The following GLCCI1 variants were observed in gnomAD, a reference collection of about 807,000 sequenced individuals.
The protein encoded by GLCCI1 is glucocorticoid induced 1, also known as glucocorticoid-induced transcript 1 protein.
In GLCCI1, 24 loss-of-function variants were observed where a neutral mutation model predicts 52.2. The ratio of observed to expected loss-of-function variants is 0.46; its 90% confidence interval spans 0.33 to 0.65. The LOEUF is 0.65. Ranked by LOEUF, GLCCI1 falls within the 30% of genes least tolerant of loss-of-function variation. The pLI is 0.02. For missense variants in GLCCI1, 704 were observed against 701.5 expected, an observed-to-expected ratio of 1.00 and a Z score of -0.04; for synonymous variants, 310 against 276.5, an observed-to-expected ratio of 1.12 and a Z score of -1.20.
At position 8,053,005 on chromosome 7, in the gene GLCCI1, ATTATTTAT is replaced by A. The variant is rs60377934; in HGVS notation, c.697-2399_697-2392del. ...TTGAGGATAAGGGTTTTGGTTTTGT[ATTATTTAT>A]TTATTTATTTATTTATTTATTTATT... On this transcript the variant is annotated intron_variant, in intron 3 of 7. Coordinates refer to ENST00000223145, the MANE Select transcript of GLCCI1 (RefSeq NM_138426.4). Among the ~76,000 whole-genome samples the A allele has an allele frequency of 7.6e-3, 1,116 of 147,212 alleles. 17 individuals are homozygous for A. Among genetic ancestry groups the A allele is most frequent in the African/African-American group, 0.025 (1,001 of 40,234 alleles).
chr7:8,084,679 C>G, intron 6 of GLCCI1: 1 of 436,302 alleles, frequency 2.3e-6, no homozygotes, highest in Non-Finnish European at 4.1e-6. Flanking sequence ...ACCAAAATGT[C>G]CTTTTTATGT....
chr7:7,978,756 G>A (rs1040936927), intron 1 of GLCCI1, among the ~76,000 whole-genome samples: 1 of 152,126 alleles, frequency 6.6e-6, no homozygotes, highest in Non-Finnish European at 1.5e-5. Context: ...GAAGTGTAAT[G>A]CTGGTATCTT....
At chr7:7,996,294 T>C (rs1004138040) in intron 1 of GLCCI1, among the ~76,000 whole-genome samples, 3 of 152,192 alleles carry the variant, frequency 2.0e-5, no homozygotes, top group Admixed American at 2.0e-4. Flanking sequence ...CATTTGAAAT[T>C]TGTAAGGCTG....
At chr7:8,001,925 A>G (rs1781057361) in intron 1 of GLCCI1, among the ~76,000 whole-genome samples, 1 of 152,168 alleles carries the variant, frequency 6.6e-6, no homozygotes, top group Non-Finnish European at 1.5e-5. Flanking sequence ...GAAGGGGAAC[A>G]TCACACACCA....
At position 7,969,106 on chromosome 7, in the gene GLCCI1, C is replaced by G. The variant is rs1035157986; in HGVS notation, c.-245C>G. 4.5e-6 allele frequency: 1 copy of G among 224,618 alleles called. No individual in the cohort carries two copies. The allele number at this position is 224,618 out of a possible 1,614,324, so 13.9% of individuals were successfully genotyped here. ...GCGGCCCCGGCCGTGACCGCCACAC[C>G]GAGCCCAGCCGGGCGGTTGCGGCCG... On this transcript the variant is annotated 5_prime_UTR_variant, in exon 1 of 8. Transcript: ENST00000223145. This position sits in a 1 kb window ranked among gnomAD's most constrained non-coding sequence, Gnocchi z 4.9.
intron 3 of GLCCI1, among the ~76,000 whole-genome samples, chr7:8,050,526 A>G (rs1330303145): frequency 1.3e-5 from 2 of 152,192 alleles, no homozygotes; most frequent in African/African-American, 2.4e-5. Flanking sequence ...AGTTTGTCGT[A>G]TATTTCCCAT....
At chr7:8,079,610 A>G (rs926660243) in intron 6 of GLCCI1, among the ~76,000 whole-genome samples, 9 of 151,616 alleles carry the variant, frequency 5.9e-5, no homozygotes, top group African/African-American at 2.0e-4. Flanking sequence ...GTTGTTCTGC[A>G]TATCAAGATT....
In GLCCI1 at chr7:8,055,476, G is replaced by A. The variant is rs1782365754; in HGVS notation, c.740G>A (p.Ser247Asn). The change falls in exon 4 of 8, where the codon AGT (serine) becomes AAT (asparagine). Residue 247 changes from serine (S) to asparagine (N), a missense_variant. Coordinates refer to ENST00000223145, the MANE Select transcript of GLCCI1 (RefSeq NM_138426.4). ...LRQQLQRSKQSSRHSKEKDRQ... is the reference protein window; with the variant it reads ...LRQQLQRSKQNSRHSKEKDRQ... ...CAGCAACTACAACGCAGTAAACAGA[G>A]TAGTCGTCACAGTAAGGAGAAAGAT... 1 of 1,613,978 alleles carries A rather than the reference G, an allele frequency of 6.2e-7. No individual in the cohort carries two copies. The highest frequency in any genetic ancestry group is 8.5e-7 in the Non-Finnish European group (1 of 1,179,936).
chr7:8,074,118 G>A (rs987700561), intron 6 of GLCCI1, among the ~76,000 whole-genome samples: 7 of 152,292 alleles, frequency 4.6e-5, no homozygotes, highest in Admixed American at 6.5e-5. Context: ...AGCATTTATT[G>A]TATGTCAGAT....
intron 4 of GLCCI1, among the ~76,000 whole-genome samples, chr7:8,058,089 T>A (rs1258909073): frequency 6.6e-6 from 1 of 152,124 alleles, no homozygotes; most frequent in Non-Finnish European, 1.5e-5. Context: ...TTTTCCATAA[T>A]GAAAAGGGGA....
chr7:8,007,648 T>C (rs1781182765), intron 2 of GLCCI1, among the ~76,000 whole-genome samples: 2 of 152,190 alleles, frequency 1.3e-5, no homozygotes, highest in African/African-American at 4.8e-5. Flanking sequence ...ATTTATGTAG[T>C]GGAATTATGT....
intron 1 of GLCCI1, among the ~76,000 whole-genome samples, chr7:8,002,966 C>T (rs1781076592): frequency 6.6e-6 from 1 of 152,156 alleles, no homozygotes; most frequent in South Asian, 2.1e-4. Context: ...TTACCTCTGT[C>T]CCTTGTTTGC....
chr7:8,053,526 G>T lies in GLCCI1; in HGVS notation c.697-1907G>T, dbSNP rs553669416. The stretch of plus-strand genomic sequence containing the variant: ...TTTTTTTTTTTTTTAGCAGAGATGG[G>T]GTTTCGCCATGTTGGCCAGGCTGGT... On this transcript the variant is annotated intron_variant, in intron 3 of 7. Coordinates refer to ENST00000223145, the MANE Select transcript of GLCCI1 (RefSeq NM_138426.4). 3.6e-3 allele frequency among the ~76,000 whole-genome samples: 548 copies of T among 150,218 alleles called. 1 individual carries two copies. The highest frequency in any genetic ancestry group is 5.0e-3 in the Non-Finnish European group (341 of 67,540).
At chr7:8,007,082 G>A (rs900627034) in intron 2 of GLCCI1, among the ~76,000 whole-genome samples, 2 of 152,166 alleles carry the variant, frequency 1.3e-5, no homozygotes, top group Admixed American at 6.5e-5. Flanking sequence ...CCCATGGGGA[G>A]GGGCATGGCT....
At chr7:8,005,924 G>T (rs893257904) in intron 2 of GLCCI1, among the ~76,000 whole-genome samples, 1 of 152,008 alleles carries the variant, frequency 6.6e-6, no homozygotes, top group Admixed American at 6.6e-5. Flanking sequence ...TCAGCTTCCT[G>T]AGTAGCTGGG....
chr7:7,983,390 A>ATTAT (rs1379758601), intron 1 of GLCCI1, among the ~76,000 whole-genome samples: 1 of 152,154 alleles, frequency 6.6e-6, no homozygotes, highest in African/African-American at 2.4e-5. Context: ...TGAATCTTTG[A>ATTAT]TTATTTGACC....
rs186886404 is a variant in GLCCI1 at position 8,074,170 on chromosome 7, A to G, written c.1177+3039A>G. 5.3e-5 allele frequency among the ~76,000 whole-genome samples: 8 copies of G among 152,320 alleles called. No individual in the cohort carries two copies. In the East Asian group the frequency reaches 1.5e-3, roughly 29 times the overall value. Reference sequence around the variant, plus strand: ...GAGAAATAGAGATGAATAATATGTGATATCTGTCTTTAAGGAATTTATAGT... The same window carrying G: ...GAGAAATAGAGATGAATAATATGTGGTATCTGTCTTTAAGGAATTTATAGT... On this transcript the variant is annotated intron_variant, in intron 6 of 7. Coordinates refer to ENST00000223145, the MANE Select transcript of GLCCI1 (RefSeq NM_138426.4).
At chr7:8,080,940 G>A (rs959874443) in intron 6 of GLCCI1, among the ~76,000 whole-genome samples, 18 of 149,522 alleles carry the variant, frequency 1.2e-4, no homozygotes, top group Admixed American at 5.4e-4. Context: ...TCCCTAAAAT[G>A]TTGTGGTTAC....
chr7:8,005,483 G>A (rs1392846821), intron 2 of GLCCI1, among the ~76,000 whole-genome samples: 1 of 152,054 alleles, frequency 6.6e-6, no homozygotes, highest in Admixed American at 6.6e-5. Context: ...AAAGACCATT[G>A]CAACATTACA....
Sources: allele counts gnomAD v4.1 joint callset (sites outside exome capture counted in the v4.1 genomes callset), GRCh38; gene constraint gnomAD v4.1.1; non-coding constraint Gnocchi (gnomAD v3.1); transcripts MANE v1.5; gene names NCBI Gene and HGNC (gene_info 2026-07-23, HGNC 2026-07-21).